Variants in ZNF365 observed in about 807,000 individuals in gnomAD.
ZNF365 encodes the protein zinc finger protein 365.
A neutral mutation model predicts 35.0 loss-of-function variants in ZNF365; 22 were observed. The ratio of observed to expected loss-of-function variants is 0.63; its 90% CI spans 0.45 to 0.90. ZNF365 has a LOEUF of 0.90. Among genes scored for constraint, ZNF365 ranks in the 40% least tolerant of loss-of-function variants. The probability of loss-of-function intolerance (pLI) is 0.00; values close to 1 mark genes in which losing one functional copy is unlikely to be tolerated. For missense variants in ZNF365, 448 were observed against 500.3 expected (o/e 0.90, Z 1.00); for synonymous variants, 188 against 196.2 (o/e 0.96, Z 0.35).
At chr10:62,432,532 C>T (rs569034599) in intron 3 of ZNF365, among the ~76,000 whole-genome samples, 460 of 152,266 alleles carry the variant, frequency 3.0e-3, no homozygotes, top group Non-Finnish European at 5.2e-3. Flanking sequence ...ACAAACCTAG[C>T]ACAGATGGAT....
At chr10:62,405,900 CT>C (rs1334141403), downstream of ZNF365, among the ~76,000 whole-genome samples, 5 of 152,204 alleles carry the variant, frequency 3.3e-5, no homozygotes, top group Admixed American at 1.3e-4. Context: ...CTTCCCCATT[CT>C]CAGGAATGTA....
At chr10:62,460,732 A>G (rs574329309) in intron 4 of ZNF365, among the ~76,000 whole-genome samples, 6 of 152,306 alleles carry the variant, frequency 3.9e-5, no homozygotes, top group African/African-American at 1.4e-4. Flanking sequence ...AGGAGTACAT[A>G]TCAGAAGACA....
At chr10:62,396,259 G>A (rs1389389537) in intron 3 of ZNF365, among the ~76,000 whole-genome samples, 3 of 152,222 alleles carry the variant, frequency 2.0e-5, no homozygotes, top group Non-Finnish European at 4.4e-5. Context: ...TGAACACATA[G>A]TTTTTAAGAA....
At chr10:62,395,954 C>T (rs886643786) in intron 3 of ZNF365, among the ~76,000 whole-genome samples, 2 of 152,146 alleles carry the variant, frequency 1.3e-5, no homozygotes, top group Non-Finnish European at 1.5e-5. Context: ...TTAACATCCT[C>T]CTCTCCCTAA....
intron 4 of ZNF365, among the ~76,000 whole-genome samples, chr10:62,460,320 C>T (rs749571074): frequency 2.2e-4 from 34 of 152,144 alleles, no homozygotes; most frequent in Non-Finnish European, 3.8e-4. Context: ...GCATTCAAGA[C>T]CCGCAGTGGA....
intron 2 of ZNF365, among the ~76,000 whole-genome samples, chr10:62,383,615 C>T (rs999348920): frequency 6.6e-6 from 1 of 152,204 alleles, no homozygotes; most frequent in Non-Finnish European, 1.5e-5. Context: ...ATGCATAGTT[C>T]AATGCCTGTG....
chr10:62,398,821 A>G lies in ZNF365; in HGVS notation c.962+44A>G, dbSNP rs116246774. The G allele has an allele frequency of 1.2e-3, 1,851 of 1,559,206 alleles. 13 individuals carry two copies. The African/African-American group carries it at 0.019, about 16-fold the overall frequency. ...ACTTGGGCCATTTGATAATGTTTGT[A>G]TTGTATGTTTTCCTGTTGCATTTTA... On this transcript the variant is annotated intron_variant, in intron 4 of 4. Transcript: ENST00000395254.
At chr10:62,379,299 T>A (rs1839391926) in intron 2 of ZNF365, among the ~76,000 whole-genome samples, 1 of 152,148 alleles carries the variant, frequency 6.6e-6, no homozygotes, top group Non-Finnish European at 1.5e-5. Context: ...GCTGGGATTA[T>A]AGTTGTAAGC....
At chr10:62,425,527 T>C (rs1464107674) in intron 3 of ZNF365, among the ~76,000 whole-genome samples, 1 of 152,140 alleles carries the variant, frequency 6.6e-6, no homozygotes, top group Non-Finnish European at 1.5e-5. Context: ...AGATTCTCAA[T>C]AATTACTTGA....
exon 5 of ZNF365, chr10:62,479,999 C>T (rs1389282188): frequency 3.2e-6 from 5 of 1,555,942 alleles, no homozygotes; most frequent in Non-Finnish European, 4.3e-6. Context: ...ATTTATTAAG[C>T]ATGTTTTACA....
chr10:62,423,098 A>T (rs1263751677), intron 3 of ZNF365, among the ~76,000 whole-genome samples: 2 of 151,320 alleles, frequency 1.3e-5, no homozygotes, highest in Non-Finnish European at 2.9e-5. Flanking sequence ...CTTATATAAT[A>T]GATACTCCAT....
chr10:62,454,573 T>C (rs1840732756), intron 3 of ZNF365, among the ~76,000 whole-genome samples: 1 of 152,044 alleles, frequency 6.6e-6, no homozygotes, highest in Non-Finnish European at 1.5e-5. Context: ...CTAATCTAGC[T>C]TGTGGACATA....
chr10:62,404,565 G>A (rs1478058335), downstream of ZNF365, among the ~76,000 whole-genome samples: 1 of 152,068 alleles, frequency 6.6e-6, no homozygotes, highest in African/African-American at 2.4e-5. Context: ...AAAATTTAGG[G>A]GACTCCATTT....
intron 2 of ZNF365, among the ~76,000 whole-genome samples, chr10:62,386,310 G>A (rs1839525628): frequency 6.6e-6 from 1 of 152,146 alleles, no homozygotes; most frequent in Non-Finnish European, 1.5e-5. Flanking sequence ...TCTATTGAGG[G>A]CTAATATGGA....
chr10:62,444,909 A>G (rs989989934), intron 3 of ZNF365, among the ~76,000 whole-genome samples: 8 of 152,006 alleles, frequency 5.3e-5, no homozygotes, highest in Non-Finnish European at 7.4e-5. Context: ...ATATCTCCTA[A>G]TGCTATCCCT....
At chr10:62,453,404 G>A (rs1265310179) in intron 3 of ZNF365, among the ~76,000 whole-genome samples, 7 of 152,172 alleles carry the variant, frequency 4.6e-5, no homozygotes, top group Admixed American at 2.6e-4. Flanking sequence ...CTGTTTCTGA[G>A]TTGTTTCACT....
chr10:62,471,667 A>G (rs1441434936), intron 4 of ZNF365, among the ~76,000 whole-genome samples: 2 of 152,168 alleles, frequency 1.3e-5, no homozygotes, highest in African/African-American at 4.8e-5. Flanking sequence ...CATTGCTTAT[A>G]TTCTTGGCAT....
intron 3 of ZNF365, among the ~76,000 whole-genome samples, chr10:62,418,137 C>T (rs1314032431): frequency 6.6e-6 from 1 of 151,836 alleles, no homozygotes; most frequent in Non-Finnish European, 1.5e-5. Flanking sequence ...TATTTACTAT[C>T]AGGAATAATT....
chr10:62,392,612 G>A (rs1347385918), intron 3 of ZNF365, among the ~76,000 whole-genome samples: 10 of 22,448 alleles, frequency 4.5e-4, no homozygotes, highest in African/African-American at 5.7e-4. Flanking sequence ...CCGTTTGTTT[G>A]TTTGTTTGTT....
Sources: allele counts gnomAD v4.1 joint callset (sites outside exome capture counted in the v4.1 genomes callset), GRCh38; gene constraint gnomAD v4.1.1; transcripts MANE v1.5; gene names NCBI Gene and HGNC (gene_info 2026-07-23, HGNC 2026-07-21).